ANKRD33B: variants seen among roughly 807,000 people sequenced by gnomAD.
ANKRD33B encodes the protein ankyrin repeat domain-containing protein 33B.
In ANKRD33B, 6 loss-of-function variants were observed where a neutral mutation model predicts 21.5. The ratio of observed to expected loss-of-function variants is 0.28; its 90% CI spans 0.15 to 0.55. The LOEUF (loss-of-function observed/expected upper bound fraction) is 0.55, where lower values mean the gene tolerates loss of function less well. ANKRD33B is among the 20% of genes least tolerant of loss of function. The pLI is 0.94. For synonymous variants in ANKRD33B, 347 were observed against 342.4 expected, an observed-to-expected ratio of 1.01 and a Z score of -0.15; for missense variants, 698 against 747.2, an observed-to-expected ratio of 0.93 and a Z score of 0.77.
rs1318521380 is a variant in ANKRD33B, at chr5:10,649,527, A to G, written c.899A>G (p.Glu300Gly). ...VLTPRSVRGP[E>G]DGGVLDHMVR... Reference sequence around the variant, plus strand: ...ACGCCGCGCTCCGTGCGGGGCCCGGAGGACGGGGGCGTCCTGGACCACATG... The same window carrying G: ...ACGCCGCGCTCCGTGCGGGGCCCGGGGGACGGGGGCGTCCTGGACCACATG... Residue 300 changes from glutamate to glycine, a missense_variant, in exon 4 of 4, where the codon GAG becomes GGG. Glu to Gly is a moderately conservative substitution (Grantham distance 98, BLOSUM62 -2). Coordinates refer to ENST00000296657, the MANE Select transcript of ANKRD33B (RefSeq NM_001164440.2). 4 of 1,532,784 alleles carry G rather than the reference A, an allele frequency of 2.6e-6. No homozygotes were observed. The highest frequency in any genetic ancestry group is 3.5e-6 in the Non-Finnish European group (4 of 1,145,406). The allele number at this position is 1,532,784 out of a possible 1,614,324, so 94.9% of individuals were successfully genotyped here.
chr5:10,644,364 A>T (rs552327938), intron 3 of ANKRD33B, among the ~76,000 whole-genome samples: 41 of 152,294 alleles, frequency 2.7e-4, no homozygotes, highest in Middle Eastern at 3.4e-3. Context: ...AGGTCTATTT[A>T]AATAGGTGGC....
intron 1 of ANKRD33B, among the ~76,000 whole-genome samples, chr5:10,594,454 C>T (rs1205013979): frequency 6.6e-6 from 1 of 152,076 alleles, no homozygotes; most frequent in African/African-American, 2.4e-5. Flanking sequence ...CCAACCTCAG[C>T]TGATCTGCCC....
At position 10,631,527 on chromosome 5, in the gene ANKRD33B, G is replaced by A. The variant is rs989907855; in HGVS notation, c.497-6501G>A. The stretch of plus-strand genomic sequence containing the variant: ...CATAAAGGGTTGCAGCCTGCAGGGT[G>A]GCTATTGTGGCAGGGAAGCAGCGCC... On this transcript the variant is annotated intron_variant, in intron 2 of 3. Coordinates refer to ENST00000296657, the MANE Select transcript of ANKRD33B (RefSeq NM_001164440.2). 4.6e-5 allele frequency among the ~76,000 whole-genome samples: 7 copies of A among 152,350 alleles called. No individual in the cohort carries two copies. The South Asian group carries it at 1.4e-3, about 32-fold the overall frequency.
intron 1 of ANKRD33B, among the ~76,000 whole-genome samples, chr5:10,615,677 C>T (rs1171123777): frequency 6.6e-6 from 1 of 152,036 alleles, no homozygotes; most frequent in African/African-American, 2.4e-5. Flanking sequence ...GGATCTTTTT[C>T]TGCAATAAAT....
In ANKRD33B at chr5:10,654,832, A is replaced by G. The variant is rs1737445689; in HGVS notation, c.*4719A>G. On this transcript the variant is annotated 3_prime_UTR_variant, in exon 4 of 4. Coordinates refer to ENST00000296657, the MANE Select transcript of ANKRD33B (RefSeq NM_001164440.2). ...ATTTTTTCTACTTGCTTCTGTGAAT[A>G]AAGTGTTCTACAGTCAGCCCAGCAC... The G allele has an allele frequency of 6.6e-6, 1 of 152,580 alleles. No individual in the cohort carries two copies. Among genetic ancestry groups the G allele is most frequent in the African/African-American group, 2.4e-5 (1 of 41,458 alleles). The allele number at this position is 152,580 out of a possible 1,614,324, so 9.5% of individuals were successfully genotyped here.
intron 3 of ANKRD33B, among the ~76,000 whole-genome samples, chr5:10,639,615 G>A (rs1313521865): frequency 5.4e-5 from 3 of 55,808 alleles, no homozygotes; most frequent in Admixed American, 1.5e-4. Context: ...GCGGAGTTGC[G>A]CGGCGATGTT....
chr5:10,636,212 A>T lies in ANKRD33B; in HGVS notation c.497-1816A>T, dbSNP rs115116498. Among the ~76,000 whole-genome samples, 568 of 152,332 alleles carry T rather than the reference A, an allele frequency of 3.7e-3. 3 individuals carry two copies. Among genetic ancestry groups the T allele is most frequent in the African/African-American group, 0.013 (547 of 41,570 alleles). On this transcript the variant is annotated intron_variant, in intron 2 of 3. Transcript: ENST00000296657. ...CAAGTTAAGGAGAGAGTGCATAGAA[A>T]TGTCCACGAGGCCCCTGCAGCTGCG... is the stretch of plus-strand genomic sequence containing the variant.
intron 1 of ANKRD33B, 103 bp from the exon 2 acceptor site, chr5:10,618,230 G>T: frequency 2.1e-6 from 3 of 1,459,852 alleles, no homozygotes; most frequent in South Asian, 1.3e-5. Context: ...TCATTGCCTT[G>T]TCCAGCCCCC....
intron 1 of ANKRD33B, among the ~76,000 whole-genome samples, chr5:10,611,765 T>C (rs1350365158): frequency 1.3e-5 from 2 of 152,096 alleles, no homozygotes; most frequent in African/African-American, 4.8e-5. Flanking sequence ...TCAAGGAAAA[T>C]AGATGGCATA....
At chr5:10,635,503 G>T (rs1736835876) in intron 2 of ANKRD33B, among the ~76,000 whole-genome samples, 2 of 152,212 alleles carry the variant, frequency 1.3e-5, no homozygotes, top group East Asian at 3.9e-4. Flanking sequence ...CGCAGCGAGG[G>T]GATCGTACCC....
At chr5:10,637,911 C>T in intron 2 of ANKRD33B, 117 bp from the exon 3 acceptor site, 2 of 1,200,644 alleles carry the variant, frequency 1.7e-6, no homozygotes. Context: ...ACTCACACAG[C>T]AGACCGGCTG....
intron 2 of ANKRD33B, among the ~76,000 whole-genome samples, chr5:10,637,421 GTT>G (rs1284109730): frequency 1.4e-4 from 9 of 64,632 alleles, no homozygotes; most frequent in African/African-American, 3.3e-4. Context: ...GGCGTAGGTA[GTT>G]AGACACACAC....
rs1737384407 is a variant in ANKRD33B at position 10,652,548 on chromosome 5, A to G, written c.*2435A>G. The G allele has an allele frequency of 6.5e-6, 1 of 153,616 alleles. No individual in the cohort carries two copies. The highest frequency in any genetic ancestry group is 1.5e-5 in the Non-Finnish European group (1 of 68,582). The allele number at this position is 153,616 out of a possible 1,614,324, so 9.5% of individuals were successfully genotyped here. ...GAAGCTGTCACTGGGAATGGTATGGAGCCCTCACTTCTACCCCAAGCCTGG... is the reference window on the plus strand; with the variant it reads ...GAAGCTGTCACTGGGAATGGTATGGGGCCCTCACTTCTACCCCAAGCCTGG... On this transcript the variant is annotated 3_prime_UTR_variant, in exon 4 of 4. Coordinates refer to ENST00000296657, the MANE Select transcript of ANKRD33B (RefSeq NM_001164440.2). The surrounding 1 kb of genome is among the most constrained non-coding windows in gnomAD (Gnocchi z 4.1).
Position 10,573,833 on chromosome 5 carries a change from G to A in ANKRD33B, c.366+9000G>A, listed in dbSNP as rs192839771. 3.9e-5 allele frequency among the ~76,000 whole-genome samples: 6 copies of A among 152,294 alleles called. No individual in the cohort carries two copies. In the East Asian group the frequency reaches 1.2e-3, roughly 29 times the overall value. On this transcript the variant is annotated intron_variant, in intron 1 of 3. Coordinates refer to ENST00000296657, the MANE Select transcript of ANKRD33B (RefSeq NM_001164440.2). Reference sequence around the variant, plus strand: ...CCACCAGGCCCCTCCTCTGACATGTGGGAATTACAATTTGAGATGCGATTT... The same window carrying A: ...CCACCAGGCCCCTCCTCTGACATGTAGGAATTACAATTTGAGATGCGATTT...
At chr5:10,597,113 A>T (rs116162849) in intron 1 of ANKRD33B, among the ~76,000 whole-genome samples, 9,912 of 152,290 alleles carry the variant, frequency 0.065, 426 homozygotes, top group Middle Eastern at 0.1. Context: ...GACAAGTGAC[A>T]CTATGAGGCA....
chr5:10,614,826 G>T (rs1446104510), intron 1 of ANKRD33B, among the ~76,000 whole-genome samples: 1 of 151,996 alleles, frequency 6.6e-6, no homozygotes, highest in Non-Finnish European at 1.5e-5. Context: ...GGCAGAGGTT[G>T]CAGTGAGCCA....
At chr5:10,605,614 C>T (rs780371344) in intron 1 of ANKRD33B, among the ~76,000 whole-genome samples, 6 of 151,930 alleles carry the variant, frequency 3.9e-5, no homozygotes, top group African/African-American at 7.3e-5. Context: ...CAGCAACCTC[C>T]GCCTCCCGGG....
At chr5:10,586,186 C>T (rs902940834) in intron 1 of ANKRD33B, among the ~76,000 whole-genome samples, 1 of 151,658 alleles carries the variant, frequency 6.6e-6, no homozygotes, top group East Asian at 1.9e-4. Flanking sequence ...AGGACTCCCC[C>T]ACCTATACCC....
At chr5:10,591,940 ATCT>A (rs1735704522) in intron 1 of ANKRD33B, among the ~76,000 whole-genome samples, 1 of 152,076 alleles carries the variant, frequency 6.6e-6, no homozygotes, top group Non-Finnish European at 1.5e-5. Context: ...ATTTATTGTT[ATCT>A]TATTATTTTT....
Sources: allele counts gnomAD v4.1 joint callset (sites outside exome capture counted in the v4.1 genomes callset), GRCh38; gene constraint gnomAD v4.1.1; non-coding constraint Gnocchi (gnomAD v3.1); transcripts MANE v1.5; gene names NCBI Gene and HGNC (gene_info 2026-07-23, HGNC 2026-07-21).